NRXN3: variants seen among roughly 807,000 people sequenced by gnomAD.
NRXN3 encodes the protein neurexin III.
A neutral mutation model predicts 137.6 loss-of-function variants in NRXN3; 32 were observed. That is an observed-to-expected ratio of 0.23 (90% CI 0.18 to 0.31). The LOEUF is 0.31. NRXN3 is among the 10% of genes least tolerant of loss of function. The pLI is 1.00. For synonymous variants in NRXN3, 798 were observed against 784.5 expected (o/e 1.02, Z -0.29); for missense variants, 1,574 against 2,062.5 (o/e 0.76, Z 4.59).
At chr14:78,813,173 T>C (rs2098919878) in intron 10 of NRXN3, among the ~76,000 whole-genome samples, 1 of 152,238 alleles carries the variant, frequency 6.6e-6, no homozygotes, top group South Asian at 2.1e-4. Context: ...TCATTTTTAT[T>C]GTGAATCTTC....
intron 8 of NRXN3, among the ~76,000 whole-genome samples, chr14:78,750,035 C>T (rs2098633566): frequency 6.6e-6 from 1 of 152,230 alleles, no homozygotes; most frequent in Admixed American, 6.5e-5. Context: ...TTGAGAACAG[C>T]ACCTCTGTAA....
chr14:78,716,164 T>A (rs183014230), intron 8 of NRXN3, among the ~76,000 whole-genome samples: 1 of 152,246 alleles, frequency 6.6e-6, no homozygotes, highest in East Asian at 1.9e-4. Context: ...TATCTGACAT[T>A]TGCACCCGAT....
intron 15 of NRXN3, among the ~76,000 whole-genome samples, chr14:79,347,994 A>G (rs913387290): frequency 7.9e-5 from 12 of 152,098 alleles, no homozygotes; most frequent in Admixed American, 7.9e-4. Flanking sequence ...ATAATTTTCT[A>G]ATTAGATTTT....
At chr14:78,327,593 C>T (rs957516635) in intron 4 of NRXN3, among the ~76,000 whole-genome samples, 6 of 152,084 alleles carry the variant, frequency 3.9e-5, no homozygotes, top group Admixed American at 1.3e-4. Context: ...GTTTGGCAGA[C>T]GCATTGACTG....
At chr14:79,481,657 G>C (rs1430013875) in intron 16 of NRXN3, among the ~76,000 whole-genome samples, 2 of 152,200 alleles carry the variant, frequency 1.3e-5, no homozygotes, top group African/African-American at 4.8e-5. Flanking sequence ...CCCAGATGGA[G>C]CCAATTTATC....
At chr14:79,373,222 T>C (rs1166693631) in intron 15 of NRXN3, among the ~76,000 whole-genome samples, 1 of 152,168 alleles carries the variant, frequency 6.6e-6, no homozygotes. Flanking sequence ...GTAAAAATTC[T>C]TACAGTTCAA....
At chr14:79,813,617 C>T (rs1362937851) in intron 20 of NRXN3, among the ~76,000 whole-genome samples, 1 of 152,050 alleles carries the variant, frequency 6.6e-6, no homozygotes, top group Non-Finnish European at 1.5e-5. Context: ...TCAGCATATC[C>T]CTCCAGTATT....
At chr14:78,725,150 C>T (rs2098477395) in intron 8 of NRXN3, among the ~76,000 whole-genome samples, 2 of 152,196 alleles carry the variant, frequency 1.3e-5, no homozygotes, top group Non-Finnish European at 2.9e-5. Flanking sequence ...TTTGTTTCTG[C>T]AGGGTAAGAA....
intron 15 of NRXN3, among the ~76,000 whole-genome samples, chr14:79,415,981 T>A (rs764703606): frequency 2.0e-5 from 3 of 152,164 alleles, no homozygotes; most frequent in Non-Finnish European, 4.4e-5. Flanking sequence ...CTTCACTTCT[T>A]ATTCCTTTGG....
intron 19 of NRXN3, among the ~76,000 whole-genome samples, chr14:79,770,875 TA>T (rs1433803994): frequency 2.6e-5 from 4 of 151,938 alleles, no homozygotes; most frequent in Non-Finnish European, 5.9e-5. Context: ...GATAGACCAC[TA>T]GCAAGACTAA....
chr14:78,222,958 C>G (rs374317218), intron 1 of NRXN3, among the ~76,000 whole-genome samples: 24 of 152,342 alleles, frequency 1.6e-4, no homozygotes, highest in African/African-American at 5.8e-4. Context: ...GAAAAATTTA[C>G]AAGTTAGTAT....
chr14:78,769,056 C>T (rs2098718409), intron 8 of NRXN3, among the ~76,000 whole-genome samples: 1 of 152,136 alleles, frequency 6.6e-6, no homozygotes, highest in African/African-American at 2.4e-5. Context: ...TGGTTGGTTT[C>T]TTTGGCAGTC....
chr14:78,561,371 G>A (rs1449802833), intron 4 of NRXN3, among the ~76,000 whole-genome samples: 2 of 152,114 alleles, frequency 1.3e-5, no homozygotes, highest in East Asian at 3.8e-4. Flanking sequence ...CAGTTTCATT[G>A]GGCATGAGAA....
intron 4 of NRXN3, among the ~76,000 whole-genome samples, chr14:78,575,838 C>A (rs1489562019): frequency 2.6e-5 from 4 of 152,066 alleles, no homozygotes; most frequent in Non-Finnish European, 5.9e-5. Context: ...TTCCAGGGAC[C>A]AAAGCAAGAT....
In NRXN3 at chr14:78,297,962, C is replaced by T. The variant is rs548527961; in HGVS notation, c.757+102C>T. The stretch of plus-strand genomic sequence containing the variant: ...ATCGTCACTGGCAGGCCATTCGCTG[C>T]CTGTCCTTCCTGCGCTGGGCCAGGC... On this transcript the variant is annotated intron_variant, in intron 4 of 20. Transcript: ENST00000335750. The T allele has an allele frequency of 9.6e-6, 13 of 1,356,746 alleles. No individual in the cohort carries two copies. The African/African-American group carries it at 1.9e-4, about 20-fold the overall frequency. 84.0% of individuals were successfully genotyped at this position (1,356,746 alleles called of 1,614,324 possible). A position where few individuals can be genotyped will look rare whatever the true frequency, so the allele number is the denominator to read the frequency against.
rs1331046488 is a variant in NRXN3 at position 79,862,835 on chromosome 14, G to A, written c.*871G>A. The stretch of plus-strand genomic sequence containing the variant: ...ATTTCAGAATTTACCACCCAAACCC[G>A]GAACAGATGGGTTTAGGGCTGGTGT... On this transcript the variant is annotated 3_prime_UTR_variant, in exon 21 of 21. Transcript: ENST00000335750. 8 of 152,580 alleles carry A rather than the reference G, an allele frequency of 5.2e-5. No homozygotes were observed. The highest frequency in any genetic ancestry group is 3.9e-4 in the East Asian group (2 of 5,178). 9.5% of individuals were successfully genotyped at this position (152,580 alleles called of 1,614,324 possible).
intron 16 of NRXN3, among the ~76,000 whole-genome samples, chr14:79,542,591 C>G (rs960225150): frequency 6.6e-6 from 1 of 152,104 alleles, no homozygotes; most frequent in Non-Finnish European, 1.5e-5. Context: ...AGGGCCTAAC[C>G]CCACAAGCAT....
At chr14:79,369,420 G>T (rs561640617) in intron 15 of NRXN3, among the ~76,000 whole-genome samples, 1 of 152,252 alleles carries the variant, frequency 6.6e-6, no homozygotes, top group African/African-American at 2.4e-5. Context: ...AAATGTCCAT[G>T]GTGTATAACA....
chr14:78,820,241 C>CAT lies in NRXN3; in HGVS notation c.2275+9911_2275+9912dup, dbSNP rs199832842. On this transcript the variant is annotated intron_variant, in intron 10 of 20. Coordinates refer to ENST00000335750, the MANE Select transcript of NRXN3 (RefSeq NM_001330195.2). ...ATTATATGTATAAAGTACATATATACATATATATATATATAAATTGCAGTT... is the reference window on the plus strand; with the variant it reads ...ATTATATGTATAAAGTACATATATACATATATATATATATATAAATTGCAGTT... Among the ~76,000 whole-genome samples the CAT allele has an allele frequency of 0.021, 3,036 of 146,722 alleles. 199 individuals carry two copies. In the East Asian group the frequency reaches 0.25, roughly 12 times the overall value.
Sources: gnomAD v4.1 joint callset for allele counts (sites outside exome capture counted in the v4.1 genomes callset) on GRCh38, gnomAD v4.1.1 for gene constraint, MANE v1.5 for transcripts, NCBI Gene and HGNC (gene_info 2026-07-23, HGNC 2026-07-21) for gene names.